PAK5: variants seen among roughly 807,000 people sequenced by gnomAD.
PAK5 encodes the protein p21 (RAC1) activated kinase 5, also known as serine/threonine-protein kinase PAK 5.
In PAK5, 16 loss-of-function variants were observed where a neutral mutation model predicts 65.9. That is an observed-to-expected ratio of 0.24 (90% CI 0.16 to 0.37). The LOEUF is 0.37. PAK5 is among the 10% of genes least tolerant of loss of function. The pLI, the probability that PAK5 is intolerant of heterozygous loss-of-function variation, is 1.00. For synonymous variants in PAK5, 371 were observed against 354.9 expected, an observed-to-expected ratio of 1.05 and a Z score of -0.51; for missense variants, 785 against 903.9, an observed-to-expected ratio of 0.87 and a Z score of 1.69.
At chr20:9,716,756 T>C (rs1412209358) in intron 1 of PAK5, among the ~76,000 whole-genome samples, 1 of 152,146 alleles carries the variant, frequency 6.6e-6, no homozygotes, top group Non-Finnish European at 1.5e-5. Context: ...CATATATCTC[T>C]GCTAAAGCCA....
intron 7 of PAK5, among the ~76,000 whole-genome samples, chr20:9,551,881 C>T (rs1270479289): frequency 1.3e-5 from 2 of 152,088 alleles, no homozygotes; most frequent in Admixed American, 6.6e-5. Flanking sequence ...AGTTAGAGAA[C>T]GTTATGGAAA....
intron 6 of PAK5, 108 bp from the exon 7 acceptor site, chr20:9,557,842 G>A (rs2045532083): frequency 1.4e-6 from 1 of 734,840 alleles, no homozygotes; most frequent in Non-Finnish European, 2.1e-6. Context: ...ACGTGCTCCA[G>A]CCCATATCTG....
chr20:9,545,232 A>G (rs2045326398), intron 7 of PAK5, among the ~76,000 whole-genome samples: 1 of 152,146 alleles, frequency 6.6e-6, no homozygotes, highest in Non-Finnish European at 1.5e-5. Context: ...AGGAGGAAAA[A>G]AACTTGGAAA....
At chr20:9,820,559 T>G (rs1440434492) in intron 1 of PAK5, among the ~76,000 whole-genome samples, 2 of 152,210 alleles carry the variant, frequency 1.3e-5, no homozygotes, top group Admixed American at 1.3e-4. Context: ...TAGTAAAAAT[T>G]TATTGAGCAA....
intron 2 of PAK5, among the ~76,000 whole-genome samples, chr20:9,688,269 T>C (rs2047747025): frequency 6.6e-6 from 1 of 152,040 alleles, no homozygotes. Context: ...GGAAATGTCT[T>C]GCTTCAAACA....
At chr20:9,779,870 C>CTAAT (rs2048923700) in intron 1 of PAK5, among the ~76,000 whole-genome samples, 1 of 151,966 alleles carries the variant, frequency 6.6e-6, no homozygotes, top group African/African-American at 2.4e-5. Context: ...ATGCTTTTTA[C>CTAAT]TAATAGATCA....
intron 2 of PAK5, among the ~76,000 whole-genome samples, chr20:9,696,396 A>G (rs554590636): frequency 6.6e-6 from 1 of 152,208 alleles, no homozygotes; most frequent in South Asian, 2.1e-4. Context: ...TAACAGATCC[A>G]CATTTTTGTT....
intron 1 of PAK5, among the ~76,000 whole-genome samples, chr20:9,805,828 A>G (rs2049225123): frequency 6.6e-6 from 1 of 152,182 alleles, no homozygotes; most frequent in Non-Finnish European, 1.5e-5. Context: ...TGGTTGCAGA[A>G]CTCTTTCAAT....
At chr20:9,804,874 C>T (rs1600393324) in intron 1 of PAK5, among the ~76,000 whole-genome samples, 3 of 152,092 alleles carry the variant, frequency 2.0e-5, no homozygotes, top group African/African-American at 7.2e-5. Flanking sequence ...CACAGTGCGA[C>T]CTTGTCTCTA....
At chr20:9,790,402 C>A (rs1356444511) in intron 1 of PAK5, among the ~76,000 whole-genome samples, 1 of 152,042 alleles carries the variant, frequency 6.6e-6, no homozygotes, top group African/African-American at 2.4e-5. Context: ...GAGGGAAAAC[C>A]ATTCCAAGGC....
chr20:9,629,208 C>A (rs185666253), intron 3 of PAK5, among the ~76,000 whole-genome samples: 48 of 152,284 alleles, frequency 3.2e-4, no homozygotes, highest in Non-Finnish European at 1.5e-4. Context: ...GTGCCAGACT[C>A]CTGACCCATA....
chr20:9,546,461 A>G (rs1255684184), intron 7 of PAK5, among the ~76,000 whole-genome samples: 1 of 152,138 alleles, frequency 6.6e-6, no homozygotes, highest in Non-Finnish European at 1.5e-5. Context: ...TACTATCAAG[A>G]TCTGGGTATT....
chr20:9,831,170 C>G (rs1978682592), intron 1 of PAK5, among the ~76,000 whole-genome samples: 1 of 152,228 alleles, frequency 6.6e-6, no homozygotes, highest in Non-Finnish European at 1.5e-5. Context: ...AGACCTGGAA[C>G]TGACTAGCTT....
chr20:9,640,924 G>A (rs1162475062), intron 3 of PAK5, among the ~76,000 whole-genome samples: 1 of 152,168 alleles, frequency 6.6e-6, no homozygotes, highest in Non-Finnish European at 1.5e-5. Context: ...AAGATTTATT[G>A]CAAAGAGCGA....
intron 1 of PAK5, among the ~76,000 whole-genome samples, chr20:9,728,055 A>C (rs1372636281): frequency 6.6e-6 from 1 of 151,902 alleles, no homozygotes; most frequent in Non-Finnish European, 1.5e-5. Context: ...TTGGAACTTA[A>C]CCCCCAAGGT....
At chr20:9,543,025 TG>T (rs759451866) in intron 8 of PAK5, among the ~76,000 whole-genome samples, 2 of 152,332 alleles carry the variant, frequency 1.3e-5, no homozygotes, top group South Asian at 4.1e-4. Flanking sequence ...TCAGGGCAGA[TG>T]AGAAAATCAT....
chr20:9,587,735 G>T (rs6056720), intron 3 of PAK5, among the ~76,000 whole-genome samples: 72,522 of 151,848 alleles, frequency 0.48, 20,748 homozygotes, highest in African/African-American at 0.81. Flanking sequence ...GATGATGGTC[G>T]GAGGGTTACA....
chr20:9,654,822 T>C (rs576756839), intron 2 of PAK5, among the ~76,000 whole-genome samples: 1 of 152,270 alleles, frequency 6.6e-6, no homozygotes, highest in East Asian at 1.9e-4. Context: ...CTCCCTCCCC[T>C]GCCTGTCTCC....
chr20:9,615,782 T>C (rs1346211527), intron 3 of PAK5, among the ~76,000 whole-genome samples: 1 of 152,192 alleles, frequency 6.6e-6, no homozygotes, highest in African/African-American at 2.4e-5. Flanking sequence ...TGCAGCCACC[T>C]GAGGGCACAA....
Sources: allele counts gnomAD v4.1 joint callset (sites outside exome capture counted in the v4.1 genomes callset), GRCh38; gene constraint gnomAD v4.1.1; transcripts MANE v1.5; gene names NCBI Gene and HGNC (gene_info 2026-07-23, HGNC 2026-07-21).